The following PXDNL variants were observed in gnomAD, a reference collection of about 807,000 sequenced individuals.
PXDNL encodes probable oxidoreductase PXDNL.
In PXDNL, 145 loss-of-function variants were observed where a neutral mutation model predicts 150.8. The ratio of observed to expected loss-of-function variants is 0.96; its 90% CI spans 0.84 to 1.10. The LOEUF is 1.10. Among genes scored for constraint, PXDNL ranks in the 50% least tolerant of loss-of-function variants. PXDNL has a pLI of 0.00. For synonymous variants in PXDNL, 757 were observed against 725.7 expected, an observed-to-expected ratio of 1.04 and a Z score of -0.69; for missense variants, 2,087 against 1,873.9, an observed-to-expected ratio of 1.11 and a Z score of -2.10.
intron 6 of PXDNL, 58 bp downstream of exon 6, chr8:51,483,585 A>T: frequency 2.9e-6 from 3 of 1,051,222 alleles, no homozygotes; most frequent in Non-Finnish European, 4.3e-6. Flanking sequence ...ATTGTTTGGG[A>T]TGGATTTTGG....
chr8:51,354,036 A>G (rs374965962), intron 19 of PXDNL, among the ~76,000 whole-genome samples: 1 of 152,126 alleles, frequency 6.6e-6, no homozygotes, highest in Non-Finnish European at 1.5e-5. Flanking sequence ...AACTTCAGGC[A>G]CATTTGGGTC....
At chr8:51,448,624 C>T (rs1293251804) in intron 11 of PXDNL, among the ~76,000 whole-genome samples, 1 of 152,028 alleles carries the variant, frequency 6.6e-6, no homozygotes, top group African/African-American at 2.4e-5. Flanking sequence ...GGCGTGAACC[C>T]GGGAGGCGGA....
Position 51,406,653 on chromosome 8 carries a change from C to T in PXDNL, c.3557+1414G>A, listed in dbSNP as rs567649218. Among the ~76,000 whole-genome samples, 3 of 152,344 alleles carry T rather than the reference C, an allele frequency of 2.0e-5. No homozygotes were observed. The East Asian group carries it at 5.8e-4, about 29-fold the overall frequency. On this transcript the variant is annotated intron_variant, in intron 17 of 22. Coordinates refer to ENST00000356297, the MANE Select transcript of PXDNL (RefSeq NM_144651.5). ...CATCTAGCCTCTTACACTTAAACTT[C>T]TAAGACCAGATCAAATGACATCTCT...
rs528560004 is a variant in PXDNL, at chr8:51,638,653, A to C, written c.236+16036T>G. On this transcript the variant is annotated intron_variant, in intron 2 of 22. Coordinates refer to ENST00000356297, the MANE Select transcript of PXDNL (RefSeq NM_144651.5). ...ATCAATTCAACAAGAAGAGCTAACTATCCTAAATATATATGCACCCAATAC... is the reference window on the plus strand; with the variant it reads ...ATCAATTCAACAAGAAGAGCTAACTCTCCTAAATATATATGCACCCAATAC... Among the ~76,000 whole-genome samples the C allele has an allele frequency of 4.3e-4, 65 of 152,324 alleles. 2 individuals carry two copies. The South Asian group carries it at 0.012, about 29-fold the overall frequency.
At chr8:51,484,310 C>T (rs1810676551) in intron 5 of PXDNL, among the ~76,000 whole-genome samples, 1 of 151,784 alleles carries the variant, frequency 6.6e-6, no homozygotes, top group Admixed American at 6.6e-5. Flanking sequence ...TGGCAGGTAC[C>T]TGTAATCCCA....
At chr8:51,715,494 C>T (rs956860095) in intron 1 of PXDNL, among the ~76,000 whole-genome samples, 1 of 152,166 alleles carries the variant, frequency 6.6e-6, no homozygotes, top group Non-Finnish European at 1.5e-5. Flanking sequence ...TAGGTTTGAA[C>T]GTCAATTGTG....
intron 4 of PXDNL, among the ~76,000 whole-genome samples, chr8:51,529,587 C>G (rs1811846769): frequency 6.6e-6 from 1 of 152,186 alleles, no homozygotes; most frequent in Non-Finnish European, 1.5e-5. Flanking sequence ...CTTTCTTCCA[C>G]TGGGTACACT....
intron 19 of PXDNL, among the ~76,000 whole-genome samples, chr8:51,346,821 C>A (rs1337502865): frequency 1.3e-5 from 2 of 152,178 alleles, no homozygotes; most frequent in African/African-American, 2.4e-5. Context: ...AGATAACTTG[C>A]ACCAGGCTTC....
At chr8:51,571,892 GCAAA>G (rs531631602) in intron 3 of PXDNL, among the ~76,000 whole-genome samples, 207 of 151,892 alleles carry the variant, frequency 1.4e-3, no homozygotes, top group Non-Finnish European at 2.2e-3. Context: ...AAGGTGTTTG[GCAAA>G]CAAACAATGA....
At chr8:51,403,489 C>T (rs1808331921) in intron 17 of PXDNL, among the ~76,000 whole-genome samples, 1 of 152,154 alleles carries the variant, frequency 6.6e-6, no homozygotes, top group Admixed American at 6.5e-5. Flanking sequence ...GCTTCCCTGG[C>T]GCATCTTAAT....
At chr8:51,700,603 G>T (rs1165158358) in intron 1 of PXDNL, among the ~76,000 whole-genome samples, 15 of 147,898 alleles carry the variant, frequency 1.0e-4, no homozygotes, top group Middle Eastern at 3.7e-3. Flanking sequence ...CACACATACA[G>T]ACACAAATAC....
chr8:51,701,396 A>G (rs1042288662), intron 1 of PXDNL, among the ~76,000 whole-genome samples: 1 of 152,158 alleles, frequency 6.6e-6, no homozygotes, highest in Non-Finnish European at 1.5e-5. Context: ...TGCAGTGACT[A>G]TCACTTCAAT....
intron 1 of PXDNL, among the ~76,000 whole-genome samples, chr8:51,697,432 G>A (rs1449251142): frequency 1.3e-5 from 2 of 152,074 alleles, no homozygotes; most frequent in African/African-American, 2.4e-5. Flanking sequence ...AGCATATATA[G>A]TGTGACAGGT....
At chr8:51,757,331 G>C (rs537745295) in intron 1 of PXDNL, among the ~76,000 whole-genome samples, 1 of 152,242 alleles carries the variant, frequency 6.6e-6, no homozygotes, top group South Asian at 2.1e-4. Context: ...GGATTGAAAG[G>C]CACCCTCCAG....
At chr8:51,695,471 AACAC>A (rs1400457950) in intron 1 of PXDNL, among the ~76,000 whole-genome samples, 2 of 152,064 alleles carry the variant, frequency 1.3e-5, no homozygotes, top group African/African-American at 4.8e-5. Context: ...CCAGTGCTAC[AACAC>A]ACACACGCAC....
chr8:51,668,176 C>CTCTTTTTTTTTTTTTTTTTT (rs1554564343), intron 1 of PXDNL, among the ~76,000 whole-genome samples: 3 of 77,386 alleles, frequency 3.9e-5, no homozygotes, highest in African/African-American at 1.6e-4. Context: ...CTCGCTCTCT[C>CTCTTTTTTTTTTTTTTTTTT]TTTTTTTTTT....
In PXDNL at chr8:51,747,145, G is replaced by A. The variant is rs147172263; in HGVS notation, c.164+62036C>T. Among the ~76,000 whole-genome samples, 5 of 152,256 alleles carry A rather than the reference G, an allele frequency of 3.3e-5. No homozygotes were observed. In the East Asian group the frequency reaches 7.7e-4, roughly 24 times the overall value. On this transcript the variant is annotated intron_variant, in intron 1 of 22. Coordinates refer to ENST00000356297, the MANE Select transcript of PXDNL (RefSeq NM_144651.5). ...AACTCATGATGGAGTTTTGTTTGTC[G>A]ATAGCATGAAATTCAGGCTTCTCCC...
chr8:51,617,378 C>T (rs1349312219), intron 2 of PXDNL, among the ~76,000 whole-genome samples: 1 of 152,156 alleles, frequency 6.6e-6, no homozygotes, highest in East Asian at 1.9e-4. Context: ...AAACACTCTG[C>T]CAATTGTTTG....
intron 3 of PXDNL, among the ~76,000 whole-genome samples, chr8:51,578,201 T>C (rs974041110): frequency 2.6e-5 from 4 of 151,848 alleles, no homozygotes; most frequent in Non-Finnish European, 4.4e-5. Context: ...TGTTTACAGA[T>C]AATATGCTTA....
Sources: allele counts gnomAD v4.1 joint callset (sites outside exome capture counted in the v4.1 genomes callset), GRCh38; gene constraint gnomAD v4.1.1; transcripts MANE v1.5; gene names NCBI Gene and HGNC (gene_info 2026-07-23, HGNC 2026-07-21).